LDLRAD4: variants seen among roughly 807,000 people sequenced by gnomAD.
LDLRAD4 encodes low-density lipoprotein receptor class A domain-containing protein 4.
Under a neutral mutation model 17.0 loss-of-function variants are expected in LDLRAD4, and 5 were observed. That is an observed-to-expected ratio of 0.29 (90% confidence interval 0.15 to 0.62). The LOEUF (loss-of-function observed/expected upper bound fraction) is 0.62. Ranked by LOEUF, LDLRAD4 falls within the 20% of genes least tolerant of loss-of-function variation. The pLI is 0.84. For missense variants in LDLRAD4, 340 were observed against 424.7 expected, an observed-to-expected ratio of 0.80 and a Z score of 1.75; for synonymous variants, 168 against 171.8, an observed-to-expected ratio of 0.98 and a Z score of 0.17.
chr18:13,594,665 CAAAAAAAAAAAAAAA>C (rs56035558), intron 3 of LDLRAD4, among the ~76,000 whole-genome samples: 1 of 29,596 alleles, frequency 3.4e-5, no homozygotes, highest in African/African-American at 8.7e-5. Flanking sequence ...GATTCCATCT[CAAAAAAAAAAAAAAA>C]AAAAAAAAAG....
chr18:13,481,728 C>T (rs1421712314), intron 3 of LDLRAD4, among the ~76,000 whole-genome samples: 1 of 150,442 alleles, frequency 6.6e-6, no homozygotes, highest in Non-Finnish European at 1.5e-5. Context: ...GGGCCTGAGG[C>T]TCTGAAGGGA....
At chr18:13,560,403 G>A (rs189706815) in intron 3 of LDLRAD4, among the ~76,000 whole-genome samples, 2 of 152,302 alleles carry the variant, frequency 1.3e-5, no homozygotes, top group South Asian at 2.1e-4. Flanking sequence ...TCTTTCCCCT[G>A]CAGACTGTGC....
intron 1 of LDLRAD4, among the ~76,000 whole-genome samples, chr18:13,313,700 T>C (rs1450688723): frequency 6.6e-6 from 1 of 152,214 alleles, no homozygotes; most frequent in Non-Finnish European, 1.5e-5. Flanking sequence ...TTAGCTGTTT[T>C]CTTAGATCTT....
chr18:13,601,912 A>C (rs939278374), intron 3 of LDLRAD4, among the ~76,000 whole-genome samples: 35 of 152,238 alleles, frequency 2.3e-4, no homozygotes, highest in Non-Finnish European at 2.6e-4. Context: ...GAATCAACCT[A>C]GATGTCCATC....
chr18:13,473,678 T>TATATAA (rs374731826), intron 3 of LDLRAD4, among the ~76,000 whole-genome samples: 16,393 of 79,122 alleles, frequency 0.21, 3,691 homozygotes, highest in South Asian at 0.23. Flanking sequence ...TATATATATA[T>TATATAA]AACGTTTACA....
intron 3 of LDLRAD4, among the ~76,000 whole-genome samples, chr18:13,481,792 A>T (rs2093093000): frequency 6.6e-6 from 1 of 151,964 alleles, no homozygotes. Flanking sequence ...GGAAGGGAGG[A>T]TGGTTAGATT....
At chr18:13,285,705 T>G (rs1398093794) in intron 1 of LDLRAD4, among the ~76,000 whole-genome samples, 3 of 152,084 alleles carry the variant, frequency 2.0e-5, no homozygotes, top group Non-Finnish European at 4.4e-5. Context: ...GCTGTCCACA[T>G]TTTTCCATGT....
intron 2 of LDLRAD4, among the ~76,000 whole-genome samples, chr18:13,427,969 T>C (rs2090070045): frequency 6.6e-6 from 1 of 152,218 alleles, no homozygotes; most frequent in Non-Finnish European, 1.5e-5. Context: ...GGCTTTTACA[T>C]CTATTCATTG....
chr18:13,236,932 G>C lies in LDLRAD4; in HGVS notation c.-467+17944G>C, dbSNP rs150279033. Among the ~76,000 whole-genome samples the C allele has an allele frequency of 3.4e-3, 514 of 152,344 alleles. 2 individuals are homozygous for C. Among genetic ancestry groups the C allele is most frequent in the Non-Finnish European group, 5.1e-3 (346 of 68,038 alleles). ...GGTTCCATCTCAGTTTAGAGATGAG[G>C]ATTGTAACATTCCATAAGGGACTGT... On this transcript the variant is annotated intron_variant, in intron 1 of 5. Coordinates refer to the LDLRAD4 transcript ENST00000399848.
At chr18:13,516,755 C>G (rs1228162366) in intron 3 of LDLRAD4, among the ~76,000 whole-genome samples, 1 of 152,198 alleles carries the variant, frequency 6.6e-6, no homozygotes, top group Non-Finnish European at 1.5e-5. Flanking sequence ...GAGAAGAAGC[C>G]TTTCACGATG....
At chr18:13,463,208 G>T (rs1367999286) in intron 3 of LDLRAD4, among the ~76,000 whole-genome samples, 1 of 152,188 alleles carries the variant, frequency 6.6e-6, no homozygotes, top group Non-Finnish European at 1.5e-5. Flanking sequence ...GACTCCTAAA[G>T]GTTGGCCTTA....
At chr18:13,331,171 A>G (rs2081846133) in intron 1 of LDLRAD4, among the ~76,000 whole-genome samples, 2 of 152,248 alleles carry the variant, frequency 1.3e-5, no homozygotes. Flanking sequence ...CCAGAAGGAC[A>G]GGTCACAAGT....
rs762632428 is a variant in LDLRAD4, at chr18:13,621,072, G to T, written c.182-45G>T. 1.2e-6 allele frequency: 2 copies of T among 1,613,770 alleles called. No homozygotes were observed. Among genetic ancestry groups the T allele is most frequent in the South Asian group, 1.1e-5 (1 of 91,046 alleles). On this transcript the variant is annotated intron_variant, in intron 3 of 5. Transcript: ENST00000359446. This position sits in a 1 kb window ranked among gnomAD's most constrained non-coding sequence, Gnocchi z 5.5. ...TGACAGTGCCTGGAGAATGGGTGGG[G>T]ACTGGAGGGGCCAGGTGGCTAACCA...
intron 1 of LDLRAD4, among the ~76,000 whole-genome samples, chr18:13,251,943 C>G (rs989654864): frequency 6.6e-6 from 1 of 152,158 alleles, no homozygotes; most frequent in Admixed American, 6.5e-5. Context: ...ACAAGTTAGT[C>G]ATGGATATGG....
At chr18:13,446,341 G>A (rs897242183) in intron 3 of LDLRAD4, among the ~76,000 whole-genome samples, 1 of 152,114 alleles carries the variant, frequency 6.6e-6, no homozygotes, top group African/African-American at 2.4e-5. Flanking sequence ...AGTAAGATAG[G>A]GATTTACTCA....
At position 13,610,306 on chromosome 18, in the gene LDLRAD4, G is replaced by GTTTTCT. The variant is rs1568402508; in HGVS notation, c.182-10811_182-10810insTTTTCT. Among the ~76,000 whole-genome samples the GTTTTCT allele has an allele frequency of 1.1e-4, 2 of 17,426 alleles. 1 individual carries two copies. Among genetic ancestry groups the GTTTTCT allele is most frequent in the Non-Finnish European group, 2.1e-4 (2 of 9,386 alleles). The allele number at this position is 17,426 out of a possible 152,430, so 11.4% of individuals were successfully genotyped here. On this transcript the variant is annotated intron_variant, in intron 3 of 5. Coordinates refer to ENST00000359446, the Ensembl canonical transcript of LDLRAD4. ...TTTTTTTTTTTTTTTTTTTTTTTTT[G>GTTTTCT]AGACGGAGTCTCACTCTGTCGCCCA...
intron 1 of LDLRAD4, among the ~76,000 whole-genome samples, chr18:13,321,351 A>G (rs533094666): frequency 2.0e-5 from 3 of 152,340 alleles, no homozygotes; most frequent in East Asian, 1.9e-4. Context: ...CTCTGGGCCT[A>G]TCGCCGTGTG....
At chr18:13,642,536 GA>G in intron 4 of LDLRAD4, 1 of 1,227,988 alleles carries the variant, frequency 8.1e-7, no homozygotes, top group Non-Finnish European at 1.0e-6. Context: ...TCTGCCCTGT[GA>G]ATAGGTGGAC....
At chr18:13,456,704 CT>C (rs1181782930) in intron 3 of LDLRAD4, among the ~76,000 whole-genome samples, 3 of 152,138 alleles carry the variant, frequency 2.0e-5, no homozygotes, top group Non-Finnish European at 4.4e-5. Context: ...AATAAGTTTG[CT>C]TTTTAAAAGG....
Sources: gnomAD v4.1 joint callset for allele counts (sites outside exome capture counted in the v4.1 genomes callset) on GRCh38, gnomAD v4.1.1 for gene constraint, Gnocchi (gnomAD v3.1) non-coding constraint, MANE v1.5 for transcripts, NCBI Gene and HGNC (gene_info 2026-07-23, HGNC 2026-07-21) for gene names.